CCDC178: variants seen among roughly 807,000 people sequenced by gnomAD.
CCDC178 encodes coiled-coil domain-containing protein 178.
In CCDC178, 126 loss-of-function variants were observed where a neutral mutation model predicts 117.4. The ratio of observed to expected loss-of-function variants is 1.07; its 90% confidence interval spans 0.93 to 1.24. CCDC178 has a LOEUF of 1.24. Ranked by LOEUF, CCDC178 falls within the 50% of genes most tolerant of loss-of-function variation. The pLI is 0.00. For missense variants in CCDC178, 1,030 were observed against 986.9 expected (o/e 1.04, Z -0.59); for synonymous variants, 283 against 313.4 (o/e 0.90, Z 1.02).
chr18:33,123,224 A>G (rs981806150), intron 20 of CCDC178, among the ~76,000 whole-genome samples: 1 of 152,136 alleles, frequency 6.6e-6, no homozygotes, highest in African/African-American at 2.4e-5. Flanking sequence ...TATATAACCA[A>G]CTAATTGGCA....
intron 21 of CCDC178, among the ~76,000 whole-genome samples, chr18:33,050,287 G>T (rs2056724467): frequency 6.6e-6 from 1 of 152,014 alleles, no homozygotes; most frequent in African/African-American, 2.4e-5. Context: ...TAATTTGGGA[G>T]GTCAAATGGC....
intron 20 of CCDC178, among the ~76,000 whole-genome samples, chr18:33,096,745 A>C (rs927315468): frequency 6.6e-6 from 1 of 152,084 alleles, no homozygotes; most frequent in Non-Finnish European, 1.5e-5. Context: ...CAACCGTCTC[A>C]GTTCTGGAAA....
At chr18:33,435,217 C>T (rs2064272502) in intron 2 of CCDC178, among the ~76,000 whole-genome samples, 1 of 152,042 alleles carries the variant, frequency 6.6e-6, no homozygotes. Context: ...TAAAACTATG[C>T]TGTTCTCTGT....
intron 21 of CCDC178, among the ~76,000 whole-genome samples, chr18:33,066,298 C>T (rs2057015571): frequency 6.6e-6 from 1 of 151,834 alleles, no homozygotes; most frequent in African/African-American, 2.4e-5. Flanking sequence ...TATCTACTAT[C>T]AGGAAAACAA....
intron 20 of CCDC178, among the ~76,000 whole-genome samples, chr18:33,142,231 A>G (rs1343901576): frequency 6.6e-6 from 1 of 152,172 alleles, no homozygotes; most frequent in Non-Finnish European, 1.5e-5. Context: ...CTGGTGTCTA[A>G]CATGTCTTGC....
chr18:33,094,772 C>T (rs2057518579), intron 20 of CCDC178, among the ~76,000 whole-genome samples: 1 of 151,764 alleles, frequency 6.6e-6, no homozygotes, highest in Non-Finnish European at 1.5e-5. Context: ...AGAATATATG[C>T]CAAAAAAGCA....
intron 22 of CCDC178, among the ~76,000 whole-genome samples, chr18:32,970,576 A>G (rs1337549726): frequency 6.6e-6 from 1 of 152,016 alleles, no homozygotes; most frequent in Non-Finnish European, 1.5e-5. Flanking sequence ...ATTTTTAGTC[A>G]TGTTGGATCA....
At chr18:33,131,291 A>G (rs1183485917) in intron 20 of CCDC178, among the ~76,000 whole-genome samples, 3 of 151,874 alleles carry the variant, frequency 2.0e-5, no homozygotes, top group Non-Finnish European at 2.9e-5. Context: ...GCTAAATTAT[A>G]TCAAGATAAT....
chr18:33,369,615 A>C (rs1366922437), intron 6 of CCDC178, among the ~76,000 whole-genome samples: 1 of 152,050 alleles, frequency 6.6e-6, no homozygotes, highest in Admixed American at 6.6e-5. Flanking sequence ...AAAGACATAG[A>C]ATCATTATAT....
At chr18:33,220,376 G>A (rs1309616267) in intron 18 of CCDC178, among the ~76,000 whole-genome samples, 1 of 152,058 alleles carries the variant, frequency 6.6e-6, no homozygotes, top group Non-Finnish European at 1.5e-5. Context: ...GGTACAGCTA[G>A]TTTAAGTGGT....
chr18:33,180,373 C>G (rs898358365), intron 20 of CCDC178, among the ~76,000 whole-genome samples: 1 of 151,588 alleles, frequency 6.6e-6, no homozygotes, highest in Non-Finnish European at 1.5e-5. Context: ...TAATTTTTTT[C>G]ACTATTAACT....
chr18:32,988,329 G>T (rs1165867935), intron 21 of CCDC178, among the ~76,000 whole-genome samples: 1 of 151,584 alleles, frequency 6.6e-6, no homozygotes, highest in African/African-American at 2.4e-5. Flanking sequence ...CCAGATACTC[G>T]GGAGGCTGAG....
intron 20 of CCDC178, among the ~76,000 whole-genome samples, chr18:33,094,728 T>C (rs1040733376): frequency 5.9e-5 from 9 of 152,018 alleles, no homozygotes; most frequent in African/African-American, 1.9e-4. Context: ...AATTTCTGAA[T>C]GATACCAGTT....
chr18:33,200,309 T>C (rs1037139716), intron 20 of CCDC178, among the ~76,000 whole-genome samples: 7 of 152,148 alleles, frequency 4.6e-5, no homozygotes, highest in African/African-American at 1.4e-4. Context: ...CCAACAACTC[T>C]AAGTGCTGAC....
At chr18:32,946,991 A>G (rs1299463218) in intron 22 of CCDC178, among the ~76,000 whole-genome samples, 1 of 152,052 alleles carries the variant, frequency 6.6e-6, no homozygotes, top group Non-Finnish European at 1.5e-5. Context: ...CGCGTTAGCC[A>G]GGACGGTGTC....
At position 33,272,662 on chromosome 18, in the gene CCDC178, G is replaced by A. The variant is rs114118992; in HGVS notation, c.1177-5365C>T. ...CAAAAATCCTTAACAAAATAGTTGC[G>A]GAATCCATAAACATATAGAAAGGAT... is the stretch of plus-strand genomic sequence containing the variant. On this transcript the variant is annotated intron_variant, in intron 12 of 22. Transcript: ENST00000383096. Among the ~76,000 whole-genome samples the A allele has an allele frequency of 2.9e-3, 439 of 151,518 alleles. 1 individual carries two copies. The highest frequency in any genetic ancestry group is 0.01 in the African/African-American group (421 of 41,448).
At position 33,402,254 on chromosome 18, in the gene CCDC178, T is replaced by A. The variant is rs2063718262; in HGVS notation, c.59-5046A>T. On this transcript the variant is annotated intron_variant, in intron 3 of 22. Coordinates refer to ENST00000383096, the MANE Select transcript of CCDC178 (RefSeq NM_001105528.4). The stretch of plus-strand genomic sequence containing the variant: ...ATTTAAAAAGGCGAAATTGTCAAAA[T>A]CAACATTTTCAGAATTCCAGAAATA... Among the ~76,000 whole-genome samples, 5 of 152,296 alleles carry A rather than the reference T, an allele frequency of 3.3e-5. No homozygotes were observed. The South Asian group carries it at 8.3e-4, about 25-fold the overall frequency.
chr18:33,372,973 A>G (rs2063320129), intron 5 of CCDC178, among the ~76,000 whole-genome samples: 1 of 152,098 alleles, frequency 6.6e-6, no homozygotes, highest in Admixed American at 6.6e-5. Context: ...TCCTTTTCAC[A>G]TTGTTATCCC....
At chr18:33,345,442 C>A (rs948475119) in intron 9 of CCDC178, among the ~76,000 whole-genome samples, 1 of 152,174 alleles carries the variant, frequency 6.6e-6, no homozygotes, top group Non-Finnish European at 1.5e-5. Context: ...TTGCTACCTG[C>A]ATGACTCTTA....
Sources: gnomAD v4.1 joint callset for allele counts (sites outside exome capture counted in the v4.1 genomes callset) on GRCh38, gnomAD v4.1.1 for gene constraint, MANE v1.5 for transcripts, NCBI Gene and HGNC (gene_info 2026-07-23, HGNC 2026-07-21) for gene names.